CDH8: variants seen among roughly 807,000 people sequenced by gnomAD.
The protein encoded by CDH8 is cadherin 8.
Under a neutral mutation model 68.1 loss-of-function variants are expected in CDH8, and 17 were observed. The ratio of observed to expected loss-of-function variants is 0.25; its 90% CI spans 0.17 to 0.37. The LOEUF (loss-of-function observed/expected upper bound fraction) is 0.37, where lower values mean the gene tolerates loss of function less well. Among genes scored for constraint, CDH8 ranks in the 10% least tolerant of loss-of-function variants. The pLI, the probability that CDH8 is intolerant of heterozygous loss-of-function variation, is 1.00. For missense variants in CDH8, 763 were observed against 999.3 expected (o/e 0.76, Z 3.19); for synonymous variants, 372 against 365.1 (o/e 1.02, Z -0.21).
At position 61,655,651 on chromosome 16, in the gene CDH8, T is replaced by A; in HGVS notation, c.1725A>T (p.Pro575=). 5 of 1,614,076 alleles carry A rather than the reference T, an allele frequency of 3.1e-6. No individual in the cohort carries two copies. Among genetic ancestry groups the A allele is most frequent in the Non-Finnish European group, 4.2e-6 (5 of 1,179,914 alleles). ...NRQKQEVYLL[P]IIISDSGNPP... ...GATTTCCACTATCACTGATTATGATTGGTAAAAGATAGACTTCTTGCTTCT... is the reference window on the plus strand; with the variant it reads ...GATTTCCACTATCACTGATTATGATAGGTAAAAGATAGACTTCTTGCTTCT... The change falls in exon 11 of 12, where the codon CCA becomes CCT. Residue 575 remains proline, a synonymous_variant. Coordinates refer to ENST00000577390, the MANE Select transcript of CDH8 (RefSeq NM_001796.5).
At chr16:62,004,848 C>A (rs570132174) in intron 2 of CDH8, among the ~76,000 whole-genome samples, 1 of 152,308 alleles carries the variant, frequency 6.6e-6, no homozygotes, top group South Asian at 2.1e-4. Context: ...CTCTCTTAGC[C>A]CAAGCCCTTG....
rs539658236 is a variant in CDH8 at position 61,780,582 on chromosome 16, C to A, written c.1414+8764G>T. Among the ~76,000 whole-genome samples, 166 of 152,298 alleles carry A rather than the reference C, an allele frequency of 1.1e-3. 2 individuals carry two copies. The highest frequency in any genetic ancestry group is 9.7e-4 in the East Asian group (5 of 5,180). The stretch of plus-strand genomic sequence containing the variant: ...ATTGTTCTCCCTGGAATGACTATTT[C>A]TTTATCATTATTAGAACCTCCCCCT... On this transcript the variant is annotated intron_variant, in intron 8 of 11. Coordinates refer to ENST00000577390, the MANE Select transcript of CDH8 (RefSeq NM_001796.5).
chr16:61,934,088 T>G (rs994203761), intron 2 of CDH8: 1 of 152,054 alleles, frequency 6.6e-6, no homozygotes. Flanking sequence ...AATAAATGAA[T>G]TTGCCTCATC....
intron 3 of CDH8, among the ~76,000 whole-genome samples, chr16:61,875,768 G>T (rs1000609195): frequency 6.6e-6 from 1 of 152,118 alleles, no homozygotes; most frequent in Non-Finnish European, 1.5e-5. Context: ...ATCAGTAAGC[G>T]TATAACTCAT....
At chr16:61,668,681 C>A (rs7194289) in intron 10 of CDH8, among the ~76,000 whole-genome samples, 16,212 of 144,270 alleles carry the variant, frequency 0.11, 885 homozygotes, top group Non-Finnish European at 0.12. Context: ...AAAAAAAAAA[C>A]AAACACACAC....
chr16:61,692,568 T>C (rs1322215276), intron 10 of CDH8: 1 of 61,498 alleles, frequency 1.6e-5, no homozygotes. Flanking sequence ...GAGTTGTGGG[T>C]TTTTTTTTTT....
At position 61,727,118 on chromosome 16, in the gene CDH8, T is replaced by G; in HGVS notation, c.1512A>C (p.Leu504Phe). Reference sequence around the variant, plus strand: ...CTTGGCCGGGTTTTCCATTTTCACATAAAAATGCCTCATATTCGGATGCGA... The same window carrying G: ...CTTGGCCGGGTTTTCCATTTTCACAGAAAAATGCCTCATATTCGGATGCGA... ...PEFASEYEAF[L>F]CENGKPGQVI... The change falls in exon 9 of 12, where the codon TTA (leucine) becomes TTC (phenylalanine). Residue 504 changes from leucine (L) to phenylalanine (F), a missense_variant. Transcript: ENST00000577390. 1.2e-6 allele frequency: 2 copies of G among 1,610,754 alleles called. No individual in the cohort carries two copies. The highest frequency in any genetic ancestry group is 1.7e-6 in the Non-Finnish European group (2 of 1,177,820).
chr16:61,753,099 A>AT (rs973724746), intron 8 of CDH8, among the ~76,000 whole-genome samples: 3 of 150,654 alleles, frequency 2.0e-5, no homozygotes, highest in Admixed American at 6.6e-5. Context: ...GAGCAAGAAG[A>AT]TTTTTTTATA....
intron 3 of CDH8, among the ~76,000 whole-genome samples, chr16:61,900,444 A>C (rs1963948944): frequency 6.6e-6 from 1 of 152,200 alleles, no homozygotes; most frequent in Non-Finnish European, 1.5e-5. Flanking sequence ...AGAGCTCTAA[A>C]ATCCTTCCTT....
At chr16:61,842,332 GA>G (rs1352401141) in intron 4 of CDH8, among the ~76,000 whole-genome samples, 1 of 152,008 alleles carries the variant, frequency 6.6e-6, no homozygotes, top group Non-Finnish European at 1.5e-5. Flanking sequence ...CTGCTCCCAG[GA>G]AAGAATAAAT....
At chr16:61,684,905 T>C (rs1304195061) in intron 10 of CDH8, among the ~76,000 whole-genome samples, 2 of 152,018 alleles carry the variant, frequency 1.3e-5, no homozygotes, top group South Asian at 4.1e-4. Context: ...TCTGGTTAAC[T>C]CCAGACTCTT....
At chr16:61,908,927 C>G (rs1397126) in intron 2 of CDH8, among the ~76,000 whole-genome samples, 35,783 of 151,882 alleles carry the variant, frequency 0.24, 5,169 homozygotes, top group African/African-American at 0.41. Context: ...ATCACATAGT[C>G]TAAGGAAAAA....
chr16:61,840,870 C>T (rs1448370973), intron 4 of CDH8, among the ~76,000 whole-genome samples: 1 of 152,036 alleles, frequency 6.6e-6, no homozygotes, highest in Admixed American at 6.6e-5. Flanking sequence ...CCATGGCACA[C>T]ATTTACCTAT....
chr16:61,857,582 AAT>A (rs1963070370), intron 3 of CDH8, among the ~76,000 whole-genome samples: 1 of 152,200 alleles, frequency 6.6e-6, no homozygotes, highest in Admixed American at 6.5e-5. Context: ...TTAATAATAT[AAT>A]ATACCATGTC....
At chr16:61,670,564 C>G (rs924732147) in intron 10 of CDH8, among the ~76,000 whole-genome samples, 4 of 151,906 alleles carry the variant, frequency 2.6e-5, no homozygotes, top group African/African-American at 4.8e-5. Context: ...TAAGTCCCTA[C>G]AAATATATAC....
chr16:61,709,992 G>A (rs1964602974), intron 10 of CDH8, among the ~76,000 whole-genome samples: 1 of 152,100 alleles, frequency 6.6e-6, no homozygotes, highest in Non-Finnish European at 1.5e-5. Flanking sequence ...TTATAATTCT[G>A]AAGATTTAAA....
At chr16:61,799,616 T>C (rs1417665932) in intron 7 of CDH8, among the ~76,000 whole-genome samples, 1 of 152,084 alleles carries the variant, frequency 6.6e-6, no homozygotes, top group African/African-American at 2.4e-5. Flanking sequence ...TAAACTCTTA[T>C]TAAATGTTGG....
At chr16:61,960,238 CAT>C (rs201701729) in intron 2 of CDH8, among the ~76,000 whole-genome samples, 2,776 of 45,744 alleles carry the variant, frequency 0.061, 790 homozygotes, top group Non-Finnish European at 0.072. Flanking sequence ...CACATATATA[CAT>C]GTGTGTGTGT....
chr16:61,781,770 C>A (rs1430806416), intron 8 of CDH8, among the ~76,000 whole-genome samples: 1 of 152,160 alleles, frequency 6.6e-6, no homozygotes, highest in Non-Finnish European at 1.5e-5. Flanking sequence ...AGGTGATAAT[C>A]AGGCTTCAAC....
Sources: gnomAD v4.1 joint callset for allele counts (sites outside exome capture counted in the v4.1 genomes callset) on GRCh38, gnomAD v4.1.1 for gene constraint, MANE v1.5 for transcripts, NCBI Gene and HGNC (gene_info 2026-07-23, HGNC 2026-07-21) for gene names.